The following GSTM5 variants were observed in gnomAD, a reference collection of about 807,000 sequenced individuals.
GSTM5 encodes GST class-mu 5.
In GSTM5, 24 loss-of-function variants were observed where a neutral mutation model predicts 29.0. That is an observed-to-expected ratio of 0.83 (90% confidence interval 0.60 to 1.16). The LOEUF is 1.16. Among genes scored for constraint, GSTM5 ranks in the 50% most tolerant of loss-of-function variants. The pLI, the probability that GSTM5 is intolerant of heterozygous loss-of-function variation, is 0.00. For missense variants in GSTM5, 290 were observed against 263.0 expected (o/e 1.10, Z -0.71); for synonymous variants, 91 against 93.6 (o/e 0.97, Z 0.16).
At chr1:109,717,237 A>C in intron 7 of GSTM5, 100 bp from the exon 8 acceptor site, 1 of 826,362 alleles carries the variant, frequency 1.2e-6, no homozygotes, top group Non-Finnish European at 2.1e-6. Flanking sequence ...CCCACATGGA[A>C]AGGCTGTGGC....
chr1:109,715,525 G>C (rs1648715888), intron 7 of GSTM5: 1 of 1,448,512 alleles, frequency 6.9e-7, no homozygotes, highest in African/African-American at 1.4e-5. Context: ...GCTGTGCTGG[G>C]CTCCCTGTGA....
intron 7 of GSTM5, chr1:109,716,229 A>C (rs1221551266): frequency 2.3e-5 from 5 of 214,958 alleles, no homozygotes; most frequent in Admixed American, 5.8e-5. Context: ...GCATTAGTCC[A>C]ACAGGCTTCT....
chr1:109,712,065 A>C (rs1648527931), upstream of GSTM5, among the ~76,000 whole-genome samples: 3 of 151,948 alleles, frequency 2.0e-5, no homozygotes, highest in South Asian at 6.3e-4. Context: ...GGCGAGGCCG[A>C]GCCCCGCTTT....
intron 5 of GSTM5, chr1:109,713,991 C>T (rs1270889056): frequency 1.0e-5 from 4 of 398,040 alleles, no homozygotes; most frequent in African/African-American, 2.1e-5. Flanking sequence ...TGATCTGCTA[C>T]CACCCAGAGT....
At position 109,715,565 on chromosome 1, in the gene GSTM5, C is replaced by T. The variant is rs1648717032; in HGVS notation, c.567+325C>T. 22 of 1,334,912 alleles carry T rather than the reference C, an allele frequency of 1.6e-5. No homozygotes were observed. The South Asian group carries it at 3.3e-4, about 20-fold the overall frequency. 82.7% of individuals were successfully genotyped at this position (1,334,912 alleles called of 1,614,324 possible). ...CTGGATCTATGGGTGGCAGTCAGGGCTCTCCCATTTGTGACAAAAGGAGAA... is the reference window on the plus strand; with the variant it reads ...CTGGATCTATGGGTGGCAGTCAGGGTTCTCCCATTTGTGACAAAAGGAGAA... On this transcript the variant is annotated intron_variant, in intron 7 of 7. Coordinates refer to ENST00000256593, the MANE Select transcript of GSTM5 (RefSeq NM_000851.4).
chr1:109,713,006 T>C (rs1328000038), intron 2 of GSTM5, 113 bp from the exon 3 acceptor site: 8 of 1,233,198 alleles, frequency 6.5e-6, no homozygotes, highest in South Asian at 1.2e-5. Flanking sequence ...GACTGAGTGG[T>C]CAGATTCTAG....
chr1:109,712,189 T>C, upstream of GSTM5: 1 of 1,054,944 alleles, frequency 9.5e-7, no homozygotes, highest in Admixed American at 1.7e-5. Flanking sequence ...ATGGCGTGTT[T>C]CGGGGTTGTG....
intron 1 of GSTM5, 30 bp downstream of exon 1, chr1:109,712,378 AG>A: frequency 6.5e-7 from 1 of 1,535,290 alleles, no homozygotes; most frequent in East Asian, 2.4e-5. Context: ...TGGGTGGGAC[AG>A]GGGGCGGAGG....
rs1225304816 is a variant in GSTM5 at position 109,717,331 on chromosome 1, C to T, written c.568-6C>T. ...CCTGGCTCTGGCCCCTTCTTCCCGC[C>T]CTCAGGGTTTGAAGAAGATCTCTGC... is the stretch of plus-strand genomic sequence containing the variant. On this transcript the variant is annotated splice_polypyrimidine_tract_variant and splice_region_variant and intron_variant, in intron 7 of 7. Coordinates refer to ENST00000256593, the MANE Select transcript of GSTM5 (RefSeq NM_000851.4). 1 of 1,612,052 alleles carries T rather than the reference C, an allele frequency of 6.2e-7. No individual in the cohort carries two copies. The highest frequency in any genetic ancestry group is 8.5e-7 in the Non-Finnish European group (1 of 1,178,276).
chr1:109,714,573 C>G (rs893020370), intron 5 of GSTM5: 2 of 260,852 alleles, frequency 7.7e-6, no homozygotes, highest in Non-Finnish European at 1.5e-5. Flanking sequence ...TCTGTCACCC[C>G]ATTAGAAGGA....
chr1:109,712,501 C>T (rs1212021909), intron 1 of GSTM5, 117 bp from the exon 2 acceptor site: 26 of 881,592 alleles, frequency 2.9e-5, no homozygotes, highest in Non-Finnish European at 3.8e-5. Flanking sequence ...GGGGTGGGGG[C>T]GGGTAGAGGA....
chr1:109,714,808 C>T (rs928383660), intron 5 of GSTM5, 139 bp from the exon 6 acceptor site: 2 of 785,020 alleles, frequency 2.5e-6, no homozygotes, highest in African/African-American at 3.4e-5. Flanking sequence ...CAATTGAAGC[C>T]TGGGCACTGC....
At position 109,713,546 on chromosome 1, in the gene GSTM5, T is replaced by C; in HGVS notation, c.240T>C (p.Ile80=). Residue 80 remains isoleucine, a synonymous_variant, in exon 4 of 8, where the codon ATT becomes ATC. Transcript: ENST00000256593. ...ITQSNAILRY[I]ARKHNLCGET... ...AGAGCAATGCCATCCTGCGCTACAT[T>C]GCCCGCAAGCACAACCTGTGTGAGT... 6.2e-7 allele frequency: 1 copy of C among 1,614,176 alleles called. No homozygotes were observed. The highest frequency in any genetic ancestry group is 1.3e-5 in the African/African-American group (1 of 75,054).
chr1:109,717,729 CTG>C lies in GSTM5; in HGVS notation c.*304_*305del, dbSNP rs1462089582. On this transcript the variant is annotated 3_prime_UTR_variant, in exon 8 of 8. Coordinates refer to ENST00000256593, the MANE Select transcript of GSTM5 (RefSeq NM_000851.4). ...CTTTTCTCTTCTTTGAGAAGCCAGACTGATCTCTGAGCTCCCTAGCACTGTCC... is the reference window on the plus strand; with the variant it reads ...CTTTTCTCTTCTTTGAGAAGCCAGACATCTCTGAGCTCCCTAGCACTGTCC... 5.6e-6 allele frequency: 2 copies of C among 356,514 alleles called. No individual in the cohort carries two copies. Among genetic ancestry groups the C allele is most frequent in the African/African-American group, 4.2e-5 (2 of 47,294 alleles). 22.1% of individuals were successfully genotyped at this position (356,514 alleles called of 1,614,324 possible). A position where few individuals can be genotyped will look rare whatever the true frequency, so the allele number is the denominator to read the frequency against.
intron 2 of GSTM5, chr1:109,712,897 T>C (rs995580170): frequency 6.0e-6 from 5 of 836,942 alleles, no homozygotes; most frequent in African/African-American, 3.4e-5. Flanking sequence ...CTAATTGGGT[T>C]GGGTGTCCCT....
chr1:109,713,328 T>G lies in GSTM5; in HGVS notation c.177+145T>G. The G allele has an allele frequency of 3.6e-6, 5 of 1,375,650 alleles. No individual in the cohort carries two copies. In the South Asian group the frequency reaches 4.7e-5, roughly 13 times the overall value. The allele number at this position is 1,375,650 out of a possible 1,614,324, so 85.2% of individuals were successfully genotyped here. A position where few individuals can be genotyped will look rare whatever the true frequency, so the allele number is the denominator to read the frequency against. ...GGCTGTCTACACAGCCCTTGCATGA[T>G]GTTCTGTGTCCCAGCTCATTTATTA... On this transcript the variant is annotated intron_variant, in intron 3 of 7. Transcript: ENST00000256593.
In GSTM5 at chr1:109,715,205, T is replaced by G; in HGVS notation, c.532T>G (p.Phe178Val). 6.2e-7 allele frequency: 1 copy of G among 1,614,226 alleles called. No homozygotes were observed. ...ATTTGAGCCCAAGTGCTTGGACGCCTTCCTAAACTTGAAGGACTTCATCTC... is the reference window on the plus strand; with the variant it reads ...ATTTGAGCCCAAGTGCTTGGACGCCGTCCTAAACTTGAAGGACTTCATCTC... Reference protein sequence around the residue: ...RIFEPKCLDAFLNLKDFISRF... With the variant: ...RIFEPKCLDAVLNLKDFISRF... Residue 178 changes from phenylalanine to valine, a missense_variant, in exon 7 of 8, where the codon TTC (phenylalanine) becomes GTC (valine). Coordinates refer to ENST00000256593, the MANE Select transcript of GSTM5 (RefSeq NM_000851.4).
At chr1:109,713,011 T>A in intron 2 of GSTM5, 108 bp from the exon 3 acceptor site, 1 of 1,295,820 alleles carries the variant, frequency 7.7e-7, no homozygotes, top group South Asian at 1.2e-5. Context: ...AGTGGTCAGA[T>A]TCTAGATCCA....
rs141656810 is a variant in GSTM5 at position 109,713,528 on chromosome 1, T to C, written c.222T>C (p.Asn74=). ...IDGAHKITQS[N]AILRYIARKH... is the part of the protein sequence containing the mutation. ...GGGCTCACAAGATCACCCAGAGCAA[T>C]GCCATCCTGCGCTACATTGCCCGCA... is the stretch of plus-strand genomic sequence containing the variant. Residue 74 remains asparagine, a synonymous_variant, in exon 4 of 8, where the codon AAT becomes AAC. Coordinates refer to ENST00000256593, the MANE Select transcript of GSTM5 (RefSeq NM_000851.4). The C allele has an allele frequency of 2.2e-4, 363 of 1,614,180 alleles. No homozygotes were observed. Among genetic ancestry groups the C allele is most frequent in the African/African-American group, 7.1e-4 (53 of 75,044 alleles).
Sources: gnomAD v4.1 joint callset for allele counts (sites outside exome capture counted in the v4.1 genomes callset) on GRCh38, gnomAD v4.1.1 for gene constraint, MANE v1.5 for transcripts, NCBI Gene and HGNC (gene_info 2026-07-23, HGNC 2026-07-21) for gene names.